Variants in ENTREP2 observed in about 807,000 individuals in gnomAD.
ENTREP2 encodes the protein endosomal transmembrane epsin interactor 2, also known as protein ENTREP2.
At chr15:29,368,648 G>T in the ENTREP2 span, among the ~76,000 whole-genome samples, 1 of 151,968 alleles carries the variant, frequency 6.6e-6, no homozygotes, top group South Asian at 2.1e-4. Context: ...GAGGCAGGAG[G>T]ACTGCTTGAG....
the ENTREP2 span, among the ~76,000 whole-genome samples, chr15:29,437,860 A>G: frequency 6.6e-6 from 1 of 152,240 alleles, no homozygotes; most frequent in African/African-American, 2.4e-5. Flanking sequence ...CTAAACATCA[A>G]TTCTGAAAAT....
chr15:29,538,659 A>T, the ENTREP2 span, among the ~76,000 whole-genome samples: 1 of 136,966 alleles, frequency 7.3e-6, no homozygotes, highest in Non-Finnish European at 1.6e-5. Flanking sequence ...AAAAAAAAAA[A>T]AGGTAGGGGC....
At chr15:29,193,700 C>T in the ENTREP2 span, among the ~76,000 whole-genome samples, 19 of 152,128 alleles carry the variant, frequency 1.2e-4, no homozygotes, top group Admixed American at 1.0e-3. Flanking sequence ...GAATGGAAGA[C>T]GTAAAATTGC....
the ENTREP2 span, among the ~76,000 whole-genome samples, chr15:29,311,060 C>T: frequency 7.8e-3 from 1,172 of 150,250 alleles, 11 homozygotes; most frequent in African/African-American, 0.026. Context: ...GAAGAGGACC[C>T]GTAAGGAGAT....
the ENTREP2 span, among the ~76,000 whole-genome samples, chr15:29,606,303 C>T: frequency 2.0e-5 from 3 of 149,818 alleles, no homozygotes; most frequent in South Asian, 2.1e-4. Flanking sequence ...GGCTCAATCT[C>T]GGCTCACTGC....
At chr15:29,417,248 A>C in the ENTREP2 span, among the ~76,000 whole-genome samples, 21 of 152,358 alleles carry the variant, frequency 1.4e-4, no homozygotes, top group South Asian at 4.1e-3. Context: ...ACCAACCCAA[A>C]TATCCAACAA....
the ENTREP2 span, among the ~76,000 whole-genome samples, chr15:29,582,659 T>C: frequency 1.3e-5 from 2 of 152,152 alleles, no homozygotes; most frequent in Admixed American, 6.5e-5. Flanking sequence ...TTTATTTTAT[T>C]ATTTTTTTTT....
the ENTREP2 span, among the ~76,000 whole-genome samples, chr15:29,649,255 C>T: frequency 6.6e-6 from 1 of 152,000 alleles, no homozygotes; most frequent in African/African-American, 2.4e-5. Context: ...GCACATAGTA[C>T]AAGCCATAAT....
chr15:29,159,212 A>G, the ENTREP2 span, among the ~76,000 whole-genome samples: 2 of 151,784 alleles, frequency 1.3e-5, no homozygotes, highest in Admixed American at 1.3e-4. Flanking sequence ...TCGCTGGCCT[A>G]GGAGTGAAAC....
At chr15:29,522,988 G>A in the ENTREP2 span, among the ~76,000 whole-genome samples, 3 of 152,186 alleles carry the variant, frequency 2.0e-5, no homozygotes, top group Non-Finnish European at 4.4e-5. Flanking sequence ...CTCCAATAAA[G>A]TGCTGAAAAT....
At chr15:29,349,593 C>A in the ENTREP2 span, among the ~76,000 whole-genome samples, 2,797 of 152,246 alleles carry the variant, frequency 0.018, 40 homozygotes, top group Non-Finnish European at 0.029. Context: ...ATAGTGATAA[C>A]CCAACTAATT....
chr15:29,426,841 A>G, the ENTREP2 span, among the ~76,000 whole-genome samples: 1 of 152,202 alleles, frequency 6.6e-6, no homozygotes, highest in Admixed American at 6.5e-5. Context: ...ATACTTCAAA[A>G]TGCTATGCAC....
At chr15:29,642,571 C>CTATA in the ENTREP2 span, among the ~76,000 whole-genome samples, 6 of 144,658 alleles carry the variant, frequency 4.1e-5, no homozygotes, top group African/African-American at 1.0e-4. Flanking sequence ...ATACTATATA[C>CTATA]TATATATATA....
the ENTREP2 span, among the ~76,000 whole-genome samples, chr15:29,447,731 C>T: frequency 6.6e-6 from 1 of 151,860 alleles, no homozygotes; most frequent in Non-Finnish European, 1.5e-5. Flanking sequence ...CACAAGTGAC[C>T]TTCCCACCTG....
At chr15:29,543,022 G>A in the ENTREP2 span, among the ~76,000 whole-genome samples, 1 of 152,192 alleles carries the variant, frequency 6.6e-6, no homozygotes, top group Non-Finnish European at 1.5e-5. Flanking sequence ...TTTGGTTGAT[G>A]CTGTTATGAA....
chr15:29,325,327 A>C, the ENTREP2 span, among the ~76,000 whole-genome samples: 1 of 152,228 alleles, frequency 6.6e-6, no homozygotes, highest in South Asian at 2.1e-4. Context: ...GAAAATACTA[A>C]AAATTAAGGC....
chr15:29,470,589 G>T, the ENTREP2 span, among the ~76,000 whole-genome samples: 1 of 152,132 alleles, frequency 6.6e-6, no homozygotes, highest in East Asian at 1.9e-4. Context: ...GACGCACTTC[G>T]AAATCCTTCC....
At chr15:29,596,529 T>C in the ENTREP2 span, among the ~76,000 whole-genome samples, 2 of 152,330 alleles carry the variant, frequency 1.3e-5, no homozygotes, top group Non-Finnish European at 2.9e-5. Flanking sequence ...CCTTTAGTCA[T>C]TCATTTCCAA....
the ENTREP2 span, among the ~76,000 whole-genome samples, chr15:29,196,854 T>C: frequency 4.6e-5 from 7 of 152,306 alleles, no homozygotes; most frequent in East Asian, 1.4e-3. Flanking sequence ...TAAAGGTAAA[T>C]AGATTGAAAG....
Sources: allele counts gnomAD v4.1 joint callset (sites outside exome capture counted in the v4.1 genomes callset), GRCh38; gene constraint gnomAD v4.1.1; transcripts MANE v1.5; gene names NCBI Gene and HGNC (gene_info 2026-07-23, HGNC 2026-07-21).